GPATCH2: variants seen among roughly 807,000 people sequenced by gnomAD.
The protein encoded by GPATCH2 is G-patch domain containing 2, also known as G patch domain-containing protein 2.
Under a neutral mutation model 58.0 loss-of-function variants are expected in GPATCH2, and 51 were observed. The ratio of observed to expected loss-of-function variants is 0.88; its 90% CI spans 0.70 to 1.11. GPATCH2 has a LOEUF of 1.11. GPATCH2 is among the 50% of genes most tolerant of loss of function. The pLI is 0.00. For synonymous variants in GPATCH2, 222 were observed against 218.5 expected (o/e 1.02, Z -0.14); for missense variants, 625 against 652.2 (o/e 0.96, Z 0.45).
intron 8 of GPATCH2, among the ~76,000 whole-genome samples, chr1:217,459,334 G>C (rs186698584): frequency 0.01 from 1,543 of 152,286 alleles, 32 homozygotes; most frequent in African/African-American, 0.036. Context: ...TATACTAGCA[G>C]ACCACCTCTT....
chr1:217,502,530 T>C (rs1662358008), intron 6 of GPATCH2, among the ~76,000 whole-genome samples: 1 of 152,164 alleles, frequency 6.6e-6, no homozygotes, highest in Non-Finnish European at 1.5e-5. Context: ...TAGATTCTAC[T>C]ATTAACATTT....
intron 1 of GPATCH2, among the ~76,000 whole-genome samples, chr1:217,629,802 A>G (rs1247751333): frequency 1.3e-5 from 2 of 152,258 alleles, no homozygotes; most frequent in African/African-American, 4.8e-5. Flanking sequence ...GTAATAATTT[A>G]CAAATAGTAT....
chr1:217,476,865 CG>C (rs1290518465), intron 8 of GPATCH2, among the ~76,000 whole-genome samples: 2 of 152,008 alleles, frequency 1.3e-5, no homozygotes, highest in Non-Finnish European at 2.9e-5. Flanking sequence ...TAGTTGACTG[CG>C]GGGGCATGCA....
intron 8 of GPATCH2, among the ~76,000 whole-genome samples, chr1:217,476,889 A>G (rs1397009759): frequency 6.6e-6 from 1 of 152,090 alleles, no homozygotes; most frequent in Non-Finnish European, 1.5e-5. Flanking sequence ...ATACTGAGAC[A>G]CTAGCGGGGG....
At chr1:217,523,971 C>T (rs369471269) in intron 5 of GPATCH2, among the ~76,000 whole-genome samples, 4,575 of 134,012 alleles carry the variant, frequency 0.034, 238 homozygotes, top group African/African-American at 0.085. Context: ...ACCTCCCTCC[C>T]GGACGGGGCG....
intron 5 of GPATCH2, among the ~76,000 whole-genome samples, chr1:217,596,909 A>G (rs925430752): frequency 2.0e-5 from 3 of 152,304 alleles, no homozygotes; most frequent in Non-Finnish European, 2.9e-5. Context: ...AGGACTTCCC[A>G]GGAAACATAA....
At chr1:217,493,926 C>T (rs1228957852) in intron 7 of GPATCH2, among the ~76,000 whole-genome samples, 1 of 150,874 alleles carries the variant, frequency 6.6e-6, no homozygotes, top group Non-Finnish European at 1.5e-5. Context: ...ACAGTTCAAA[C>T]AAAGAACTCA....
chr1:217,492,004 A>C (rs1661768740), intron 7 of GPATCH2, among the ~76,000 whole-genome samples: 1 of 152,004 alleles, frequency 6.6e-6, no homozygotes, highest in South Asian at 2.1e-4. Context: ...TATCAGTGAG[A>C]GTTAGCAATC....
intron 5 of GPATCH2, among the ~76,000 whole-genome samples, chr1:217,571,031 A>G (rs1318026074): frequency 6.6e-6 from 1 of 152,206 alleles, no homozygotes; most frequent in Non-Finnish European, 1.5e-5. Flanking sequence ...ACCAGGTGCT[A>G]TTCTTGGCTC....
intron 8 of GPATCH2, among the ~76,000 whole-genome samples, chr1:217,482,265 G>T (rs1331221532): frequency 6.6e-6 from 1 of 152,116 alleles, no homozygotes; most frequent in Non-Finnish European, 1.5e-5. Flanking sequence ...TGGTATTGGG[G>T]CTACATGAGT....
chr1:217,629,307 G>A (rs1669618421), intron 1 of GPATCH2, among the ~76,000 whole-genome samples: 1 of 152,156 alleles, frequency 6.6e-6, no homozygotes, highest in Non-Finnish European at 1.5e-5. Context: ...GAACAGGAAT[G>A]ACTTTAGAAT....
At position 217,620,087 on chromosome 1, in the gene GPATCH2, TTC is replaced by T. The variant is rs1459493487; in HGVS notation, c.467_468del (p.Arg156AsnfsTer21). ...SDFAVDNVGN[R>X]TLRRRRKVKR... ...TTTACCTTTCTCCTCCTGCGCAGAG[TTC>T]TATTCCCAACATTGTCCACAGCAAA... On this transcript the variant is annotated frameshift_variant, in exon 2 of 10. Transcript: ENST00000366935. LOFTEE classifies it high-confidence loss of function. 8 of 1,614,056 alleles carry T rather than the reference TTC, an allele frequency of 5.0e-6. No homozygotes were observed. The highest frequency in any genetic ancestry group is 6.8e-6 in the Non-Finnish European group (8 of 1,180,012).
intron 5 of GPATCH2, among the ~76,000 whole-genome samples, chr1:217,572,880 G>GA (rs1273361844): frequency 1.9e-4 from 29 of 152,170 alleles, no homozygotes; most frequent in Non-Finnish European, 2.9e-5. Flanking sequence ...GGTTAATAGT[G>GA]AAAATATAAG....
intron 8 of GPATCH2, among the ~76,000 whole-genome samples, chr1:217,474,941 T>A (rs1373343916): frequency 6.6e-6 from 1 of 152,104 alleles, no homozygotes; most frequent in Admixed American, 6.6e-5. Context: ...GAAAAATGCA[T>A]ATAAATAAAA....
intron 5 of GPATCH2, among the ~76,000 whole-genome samples, chr1:217,532,231 G>A (rs183022699): frequency 1.7e-4 from 26 of 152,226 alleles, no homozygotes; most frequent in African/African-American, 5.5e-4. Context: ...TTCAACAAAC[G>A]ATGATTGAGC....
chr1:217,452,287 C>T (rs1003328942), intron 8 of GPATCH2, among the ~76,000 whole-genome samples: 3 of 152,138 alleles, frequency 2.0e-5, no homozygotes, highest in East Asian at 1.9e-4. Context: ...CTTGGTTGTA[C>T]AAATATTAAA....
chr1:217,516,773 T>C (rs1393199309), intron 5 of GPATCH2, among the ~76,000 whole-genome samples: 2 of 152,194 alleles, frequency 1.3e-5, no homozygotes, highest in Non-Finnish European at 2.9e-5. Flanking sequence ...TTGGTACAAA[T>C]ATCAGAAAAC....
intron 5 of GPATCH2, among the ~76,000 whole-genome samples, chr1:217,551,125 A>C (rs1210928135): frequency 1.3e-5 from 2 of 151,764 alleles, no homozygotes; most frequent in Admixed American, 1.3e-4. Flanking sequence ...AAATCATGAA[A>C]AAAAAAAACA....
intron 5 of GPATCH2, among the ~76,000 whole-genome samples, chr1:217,529,918 TC>T (rs1398587744): frequency 6.6e-6 from 1 of 152,230 alleles, no homozygotes; most frequent in Non-Finnish European, 1.5e-5. Context: ...ATAAAAATCT[TC>T]CAATGTATCC....
Sources: allele counts gnomAD v4.1 joint callset (sites outside exome capture counted in the v4.1 genomes callset), GRCh38; gene constraint gnomAD v4.1.1; transcripts MANE v1.5; gene names NCBI Gene and HGNC (gene_info 2026-07-23, HGNC 2026-07-21).